The following CD96 variants were observed in gnomAD, a reference collection of about 807,000 sequenced individuals.
CD96 encodes the protein T-cell surface protein tactile.
A neutral mutation model predicts 71.3 loss-of-function variants in CD96; 70 were observed. The observed-to-expected ratio is 0.98, with a 90% confidence interval of 0.81 to 1.20. The LOEUF is 1.20. CD96 is among the 50% of genes most tolerant of loss of function. CD96 has a pLI of 0.00. For missense variants in CD96, 742 were observed against 677.5 expected, an observed-to-expected ratio of 1.10 and a Z score of -1.06; for synonymous variants, 248 against 233.0, an observed-to-expected ratio of 1.06 and a Z score of -0.59.
Position 111,600,932 on chromosome 3 carries a change from TA to T in CD96, c.1087+20del. 2 of 1,506,286 alleles carry T rather than the reference TA, an allele frequency of 1.3e-6. No homozygotes were observed. The highest frequency in any genetic ancestry group is 2.3e-5 in the South Asian group (2 of 88,752). The allele number at this position is 1,506,286 out of a possible 1,614,324, so 93.3% of individuals were successfully genotyped here. ...TCTCTTAGGTGAGTTGTCTATTTAA[TA>T]AGATCAACAAGAGTTTGCTAAGACT... On this transcript the variant is annotated intron_variant, in intron 7 of 13. Transcript: ENST00000352690.
intron 8 of CD96, among the ~76,000 whole-genome samples, chr3:111,618,895 T>G (rs1172744623): frequency 4.6e-5 from 7 of 152,148 alleles, no homozygotes; most frequent in African/African-American, 1.4e-4. Flanking sequence ...AGTTACCAGC[T>G]TATTCTTTAT....
In CD96 at chr3:111,549,365, G is replaced by A. The variant is rs543686680; in HGVS notation, c.418+3963G>A. Among the ~76,000 whole-genome samples the A allele has an allele frequency of 5.3e-5, 8 of 152,294 alleles. No individual in the cohort carries two copies. In the East Asian group the frequency reaches 5.8e-4, roughly 11 times the overall value. On this transcript the variant is annotated intron_variant, in intron 2 of 13. Coordinates refer to ENST00000352690, the MANE Select transcript of CD96 (RefSeq NM_005816.5). ...AGGGATTACAGGTGAGGCAGTTGACGATAAGGTTAGAAAGATTGATTAGTC... is the reference window on the plus strand; with the variant it reads ...AGGGATTACAGGTGAGGCAGTTGACAATAAGGTTAGAAAGATTGATTAGTC...
At position 111,603,284 on chromosome 3, in the gene CD96, A is replaced by T. The variant is rs1937540044; in HGVS notation, c.1087+2370A>T. On this transcript the variant is annotated intron_variant, in intron 7 of 13. Coordinates refer to ENST00000352690, the MANE Select transcript of CD96 (RefSeq NM_005816.5). ...TAGTGACACTTTGTCTCTACCAAAA[A>T]ATTCAAAAAATCAGCCGGGCATGGT... Among the ~76,000 whole-genome samples the T allele has an allele frequency of 2.0e-5, 3 of 152,064 alleles. No individual in the cohort carries two copies. The South Asian group carries it at 6.2e-4, about 32-fold the overall frequency.
chr3:111,572,161 G>A (rs1039600233), intron 3 of CD96, among the ~76,000 whole-genome samples: 7 of 152,150 alleles, frequency 4.6e-5, no homozygotes, highest in Non-Finnish European at 1.0e-4. Context: ...TGCACATCGG[G>A]AGGACCACCC....
At chr3:111,585,454 G>C (rs529528994) in intron 5 of CD96, 76 bp downstream of exon 5, 30 of 951,274 alleles carry the variant, frequency 3.2e-5, no homozygotes, top group Middle Eastern at 4.2e-4. Flanking sequence ...TGCCAGGAAT[G>C]TTCTCTCAAA....
In CD96 at chr3:111,579,341, A is replaced by G. The variant is rs114262390; in HGVS notation, c.751+107A>G. On this transcript the variant is annotated intron_variant, in intron 4 of 13. Coordinates refer to ENST00000352690, the MANE Select transcript of CD96 (RefSeq NM_005816.5). ...TGCTGCAGAGCAGCCACATGTGGGT[A>G]ACAGTGCTGGAGTCTGTTTCCCTGG... 1,166 of 774,502 alleles carry G rather than the reference A, an allele frequency of 1.5e-3. 5 individuals carry two copies. Among genetic ancestry groups the G allele is most frequent in the Non-Finnish European group, 2.2e-3 (938 of 419,714 alleles). The allele number at this position is 774,502 out of a possible 1,614,324, so 48.0% of individuals were successfully genotyped here. A position where few individuals can be genotyped will look rare whatever the true frequency, so the allele number is the denominator to read the frequency against.
At chr3:111,635,404 A>T (rs576711613) in intron 10 of CD96, among the ~76,000 whole-genome samples, 58 of 152,296 alleles carry the variant, frequency 3.8e-4, no homozygotes, top group African/African-American at 1.3e-3. Flanking sequence ...TTAATTTTTT[A>T]ATTATTTTGA....
At chr3:111,647,727 G>A (rs1939901134) in intron 13 of CD96, 61 bp downstream of exon 13, 1 of 1,224,410 alleles carries the variant, frequency 8.2e-7, no homozygotes, top group Non-Finnish European at 1.2e-6. Flanking sequence ...ATATTCATCA[G>A]TACAATATAT....
chr3:111,549,984 G>C (rs1934613064), intron 2 of CD96, among the ~76,000 whole-genome samples: 1 of 152,068 alleles, frequency 6.6e-6, no homozygotes, highest in Admixed American at 6.6e-5. Flanking sequence ...AATCCTCTAG[G>C]AAGAGAAAAT....
At chr3:111,566,582 T>C (rs1206247817) in intron 2 of CD96, among the ~76,000 whole-genome samples, 2 of 152,132 alleles carry the variant, frequency 1.3e-5, no homozygotes, top group African/African-American at 4.8e-5. Flanking sequence ...AAAAAGAATA[T>C]AAGATTTTTA....
At chr3:111,653,387 G>A (rs1472237255), downstream of CD96, among the ~76,000 whole-genome samples, 1 of 152,118 alleles carries the variant, frequency 6.6e-6, no homozygotes, top group Non-Finnish European at 1.5e-5. Context: ...TCCAGAGGTA[G>A]GCATATTTTA....
intron 10 of CD96, among the ~76,000 whole-genome samples, chr3:111,626,783 A>G (rs1216471020): frequency 6.6e-6 from 1 of 152,242 alleles, no homozygotes; most frequent in African/African-American, 2.4e-5. Context: ...ATACAACAGC[A>G]TGAATGAATC....
intron 8 of CD96, among the ~76,000 whole-genome samples, chr3:111,618,867 G>A (rs375962482): frequency 2.6e-5 from 4 of 151,918 alleles, no homozygotes; most frequent in East Asian, 1.9e-4. Flanking sequence ...CACTGCGCCC[G>A]GCCTCGCTTT....
chr3:111,589,774 C>T (rs1936890090), intron 5 of CD96, among the ~76,000 whole-genome samples: 1 of 152,112 alleles, frequency 6.6e-6, no homozygotes, highest in Non-Finnish European at 1.5e-5. Flanking sequence ...ATTTAGTGTG[C>T]CTGTATCCAG....
intron 8 of CD96, among the ~76,000 whole-genome samples, chr3:111,613,477 G>T (rs1168654776): frequency 6.6e-6 from 1 of 152,198 alleles, no homozygotes; most frequent in East Asian, 1.9e-4. Context: ...CCTTTATGCT[G>T]GGCTGAAGGT....
chr3:111,564,170 G>A (rs1935592755), intron 2 of CD96, among the ~76,000 whole-genome samples: 1 of 151,820 alleles, frequency 6.6e-6, no homozygotes, highest in African/African-American at 2.4e-5. Flanking sequence ...GCAGTTTCTA[G>A]TCATTTTAAA....
chr3:111,608,114 G>A (rs903221494), intron 8 of CD96, among the ~76,000 whole-genome samples: 3 of 152,156 alleles, frequency 2.0e-5, no homozygotes, highest in African/African-American at 7.2e-5. Context: ...CGTTGGCTGA[G>A]GCTTCAGTCA....
intron 8 of CD96, among the ~76,000 whole-genome samples, chr3:111,620,156 G>A (rs1320617246): frequency 6.6e-6 from 1 of 152,106 alleles, no homozygotes; most frequent in Non-Finnish European, 1.5e-5. Context: ...AAATTCCTTG[G>A]GAAAGCTTTC....
rs1453711341 is a variant in CD96 at position 111,545,101 on chromosome 3, T to A, written c.117T>A (p.Ser39=). 1.9e-6 allele frequency: 3 copies of A among 1,614,226 alleles called. No homozygotes were observed. The highest frequency in any genetic ancestry group is 1.1e-5 in the South Asian group (1 of 91,084). ...TEENVYATLG[S]DVNLTCQTQT... is the part of the protein sequence containing the mutation. ...AAAATGTTTATGCTACACTTGGCTCTGATGTCAACCTGACCTGCCAAACAC... is the reference window on the plus strand; with the variant it reads ...AAAATGTTTATGCTACACTTGGCTCAGATGTCAACCTGACCTGCCAAACAC... Residue 39 remains serine, a synonymous_variant, in exon 2 of 14, where the codon TCT becomes TCA. Coordinates refer to ENST00000352690, the MANE Select transcript of CD96 (RefSeq NM_005816.5).
Sources: gnomAD v4.1 joint callset for allele counts (sites outside exome capture counted in the v4.1 genomes callset) on GRCh38, gnomAD v4.1.1 for gene constraint, MANE v1.5 for transcripts, NCBI Gene and HGNC (gene_info 2026-07-23, HGNC 2026-07-21) for gene names.